TAPT1: variants seen among roughly 807,000 people sequenced by gnomAD.
The protein encoded by TAPT1 is transmembrane anterior posterior transformation 1, also known as transmembrane anterior posterior transformation protein 1 homolog.
TAPT1 carries 28 observed loss-of-function variants against 65.6 expected under a neutral mutation model. The ratio of observed to expected loss-of-function variants is 0.43; its 90% CI spans 0.32 to 0.59. The LOEUF is 0.59. TAPT1 is among the 20% of genes least tolerant of loss of function. The probability of loss-of-function intolerance (pLI) is 0.09; values close to 1 mark genes in which losing one functional copy is unlikely to be tolerated. For synonymous variants in TAPT1, 278 were observed against 245.2 expected, an observed-to-expected ratio of 1.13 and a Z score of -1.25; for missense variants, 563 against 679.9, an observed-to-expected ratio of 0.83 and a Z score of 1.91.
intron 3 of TAPT1, among the ~76,000 whole-genome samples, chr4:16,194,499 A>C (rs546888532): frequency 2.2e-4 from 34 of 152,288 alleles, no homozygotes; most frequent in African/African-American, 7.9e-4. Flanking sequence ...CAGAACTTCT[A>C]AACTTGCAGG....
intron 1 of TAPT1, among the ~76,000 whole-genome samples, chr4:16,225,372 G>C (rs952916144): frequency 6.6e-6 from 1 of 152,122 alleles, no homozygotes; most frequent in African/African-American, 2.4e-5. Flanking sequence ...AGCCCCTTTT[G>C]GACAACAGAA....
intron 2 of TAPT1, among the ~76,000 whole-genome samples, chr4:16,207,900 T>G (rs935722942): frequency 1.3e-5 from 2 of 152,176 alleles, no homozygotes; most frequent in Non-Finnish European, 2.9e-5. Context: ...ATAGCTATAA[T>G]GTACAAGGCA....
At chr4:16,175,855 GAC>G (rs1046589118) in intron 9 of TAPT1, among the ~76,000 whole-genome samples, 24 of 152,154 alleles carry the variant, frequency 1.6e-4, no homozygotes, top group African/African-American at 5.6e-4. Flanking sequence ...AACAGATTAT[GAC>G]AGTGTTAACT....
At chr4:16,216,317 T>G (rs1750941308) in intron 1 of TAPT1, 1 of 152,232 alleles carries the variant, frequency 6.6e-6, no homozygotes, top group South Asian at 2.1e-4. Context: ...GATGGTATTC[T>G]CCAATATGTC....
intron 7 of TAPT1, among the ~76,000 whole-genome samples, chr4:16,183,380 T>G (rs948179496): frequency 2.0e-5 from 3 of 152,198 alleles, no homozygotes; most frequent in Non-Finnish European, 2.9e-5. Flanking sequence ...TAGACTGATA[T>G]GCATACCTGA....
intron 11 of TAPT1, 32 bp downstream of exon 11, chr4:16,174,172 G>A (rs1342838339): frequency 6.7e-7 from 1 of 1,486,556 alleles, no homozygotes; most frequent in Non-Finnish European, 9.2e-7. Context: ...TGGCTACTTT[G>A]TTACAAAAAA....
intron 8 of TAPT1, among the ~76,000 whole-genome samples, chr4:16,178,223 G>A (rs79112392): frequency 0.047 from 7,195 of 152,204 alleles, 286 homozygotes; most frequent in East Asian, 0.17. Context: ...TGTGGAGGAA[G>A]AGGCTTTTCC....
At chr4:16,207,110 G>A (rs974557781) in intron 2 of TAPT1, among the ~76,000 whole-genome samples, 5 of 152,174 alleles carry the variant, frequency 3.3e-5, no homozygotes, top group Non-Finnish European at 7.3e-5. Context: ...AGGGGCTGGG[G>A]GACAAGGAGG....
intron 13 of TAPT1, among the ~76,000 whole-genome samples, chr4:16,166,325 T>C (rs1182869706): frequency 6.6e-6 from 1 of 152,266 alleles, no homozygotes; most frequent in Non-Finnish European, 1.5e-5. Flanking sequence ...TTTATTTCTC[T>C]CTACCCCTCT....
chr4:16,203,794 C>G (rs1049542354), intron 2 of TAPT1, among the ~76,000 whole-genome samples: 3 of 152,166 alleles, frequency 2.0e-5, no homozygotes, highest in Non-Finnish European at 2.9e-5. Context: ...GCAGCCCTAG[C>G]AAACAAATTC....
At chr4:16,195,734 G>A (rs1749672611) in intron 3 of TAPT1, among the ~76,000 whole-genome samples, 1 of 152,164 alleles carries the variant, frequency 6.6e-6, no homozygotes, top group Non-Finnish European at 1.5e-5. Context: ...AGGGCTCATA[G>A]ACTTACAGAA....
Position 16,202,450 on chromosome 4 carries a change from T to C in TAPT1, c.449+12A>G, listed in dbSNP as rs775975071. On this transcript the variant is annotated intron_variant, in intron 3 of 13. Coordinates refer to ENST00000405303, the MANE Select transcript of TAPT1 (RefSeq NM_153365.3). The stretch of plus-strand genomic sequence containing the variant: ...ACTATACATTTACAATAGTTAACGA[T>C]CTTAAACTTACCTTAAGCCATAGCA... The C allele has an allele frequency of 1.4e-6, 2 of 1,422,612 alleles. No individual in the cohort carries two copies. The highest frequency in any genetic ancestry group is 2.5e-5 in the South Asian group (2 of 80,808). 88.1% of individuals were successfully genotyped at this position (1,422,612 alleles called of 1,614,324 possible). A position where few individuals can be genotyped will look rare whatever the true frequency, so the allele number is the denominator to read the frequency against.
rs185368917 is a variant in TAPT1, at chr4:16,187,815, A to G, written c.748+405T>C. Among the ~76,000 whole-genome samples, 51 of 152,342 alleles carry G rather than the reference A, an allele frequency of 3.3e-4. 1 individual carries two copies. In the East Asian group the frequency reaches 9.4e-3, roughly 28 times the overall value. On this transcript the variant is annotated intron_variant, in intron 5 of 13. Coordinates refer to ENST00000405303, the MANE Select transcript of TAPT1 (RefSeq NM_153365.3). ...AACTCCTCCCAACCAATTTCACATT[A>G]CACTTTTAGATAAATTCCATGCATT... is the stretch of plus-strand genomic sequence containing the variant.
chr4:16,212,698 C>T (rs11736827), intron 2 of TAPT1, among the ~76,000 whole-genome samples: 26,420 of 152,156 alleles, frequency 0.17, 2,804 homozygotes, highest in East Asian at 0.3. Context: ...TGATCCTTGC[C>T]AAAGGCAATC....
At chr4:16,209,371 C>T (rs1049416798) in intron 2 of TAPT1, among the ~76,000 whole-genome samples, 8 of 152,134 alleles carry the variant, frequency 5.3e-5, no homozygotes, top group Non-Finnish European at 5.9e-5. Context: ...AGTCTTATCT[C>T]TGTATTTTGC....
intron 11 of TAPT1, among the ~76,000 whole-genome samples, chr4:16,172,529 T>G (rs895995937): frequency 6.6e-6 from 1 of 152,100 alleles, no homozygotes; most frequent in Non-Finnish European, 1.5e-5. Context: ...ATTCTAGGAG[T>G]TCCTTTTCCG....
intron 10 of TAPT1, 62 bp from the exon 11 acceptor site, chr4:16,174,334 C>T (rs1435080199): frequency 1.4e-6 from 2 of 1,400,240 alleles, no homozygotes; most frequent in Admixed American, 2.1e-5. Flanking sequence ...TTTAAAAGTA[C>T]TATTCACTTA....
chr4:16,197,837 T>G (rs1223106510), intron 3 of TAPT1, among the ~76,000 whole-genome samples: 1 of 152,214 alleles, frequency 6.6e-6, no homozygotes, highest in Non-Finnish European at 1.5e-5. Flanking sequence ...TTAAAGAATT[T>G]AGATGCATTT....
intron 6 of TAPT1, 32 bp downstream of exon 6, chr4:16,186,749 C>T (rs1749042216): frequency 1.3e-6 from 2 of 1,524,056 alleles, no homozygotes; most frequent in African/African-American, 2.8e-5. Context: ...GCCTGTATAA[C>T]TTCAAAAATG....
Sources: allele counts gnomAD v4.1 joint callset (sites outside exome capture counted in the v4.1 genomes callset), GRCh38; gene constraint gnomAD v4.1.1; transcripts MANE v1.5; gene names NCBI Gene and HGNC (gene_info 2026-07-23, HGNC 2026-07-21).